PLCH2: variants seen among roughly 807,000 people sequenced by gnomAD.
The protein encoded by PLCH2 is 1-phosphatidylinositol 4,5-bisphosphate phosphodiesterase eta-2.
PLCH2 carries 98 observed loss-of-function variants against 134.7 expected under a neutral mutation model. That is an observed-to-expected ratio of 0.73 (90% CI 0.62 to 0.86). PLCH2 has a LOEUF of 0.86. PLCH2 is among the 40% of genes least tolerant of loss of function. The pLI is 0.00. For missense variants in PLCH2, 1,994 were observed against 1,986.6 expected (o/e 1.00, Z -0.07); for synonymous variants, 974 against 827.5 (o/e 1.18, Z -3.04).
intron 1 of PLCH2, among the ~76,000 whole-genome samples, chr1:2,426,536 C>T (rs893463178): frequency 2.0e-5 from 3 of 152,338 alleles, no homozygotes; most frequent in Non-Finnish European, 2.9e-5. Context: ...CCTACACACA[C>T]GAGCTCGGCC....
chr1:2,440,820 C>T (rs140809164), intron 2 of PLCH2, among the ~76,000 whole-genome samples: 2 of 152,368 alleles, frequency 1.3e-5, no homozygotes, highest in East Asian at 1.9e-4. Context: ...GGCCAGGTTT[C>T]TGTCTCATTG....
intron 1 of PLCH2, among the ~76,000 whole-genome samples, chr1:2,469,683 C>T (rs985490918): frequency 3.9e-5 from 6 of 152,312 alleles, no homozygotes; most frequent in East Asian, 3.9e-4. Flanking sequence ...AGTAATCCAA[C>T]GTGCCTGTTT....
intron 15 of PLCH2, 63 bp from the exon 16 acceptor site, chr1:2,497,439 T>TGGGGGGTGGGGGGG: frequency 1.0e-6 from 1 of 955,134 alleles, no homozygotes; most frequent in Non-Finnish European, 1.5e-6. Flanking sequence ...TGGTGGTGGG[T>TGGGGGGTGGGGGGG]GGGCGGGGCA....
intron 2 of PLCH2, among the ~76,000 whole-genome samples, chr1:2,437,229 C>G (rs1179855130): frequency 6.6e-6 from 1 of 152,180 alleles, no homozygotes; most frequent in African/African-American, 2.4e-5. Flanking sequence ...CGGGGTCACT[C>G]TGCCAATTTC....
rs1428050129 is a variant in PLCH2, at chr1:2,459,399, GT to G, written c.116-19075del. 2.5e-4 allele frequency among the ~76,000 whole-genome samples: 32 copies of G among 127,616 alleles called. 1 individual carries two copies. Among genetic ancestry groups the G allele is most frequent in the Admixed American group, 6.2e-4 (8 of 12,910 alleles). The allele number at this position is 127,616 out of a possible 152,430, so 83.7% of individuals were successfully genotyped here. ...TTGCCGGTGGTCCTCCTTCCTGGTG[GT>G]TCTCCTTCCTGGTGGTCCTCCTTGC... On this transcript the variant is annotated intron_variant, in intron 2 of 3. Transcript: ENST00000609981.
intron 2 of PLCH2, among the ~76,000 whole-genome samples, chr1:2,455,910 G>GTGTGTGCC (rs1162251864): frequency 1.6e-4 from 24 of 152,264 alleles, no homozygotes; most frequent in African/African-American, 5.5e-4. Flanking sequence ...CTGTGTGCGT[G>GTGTGTGCC]TGTGTGCCTG....
At chr1:2,427,404 G>T (rs567093586) in intron 1 of PLCH2, among the ~76,000 whole-genome samples, 1 of 152,324 alleles carries the variant, frequency 6.6e-6, no homozygotes, top group South Asian at 2.1e-4. Flanking sequence ...GTTTCTCCGG[G>T]ATAGGGTCCT....
chr1:2,498,618 C>G lies in PLCH2; in HGVS notation c.2320C>G (p.Arg774Gly). 1.3e-6 allele frequency: 2 copies of G among 1,581,824 alleles called. No homozygotes were observed. Among genetic ancestry groups the G allele is most frequent in the Non-Finnish European group, 1.7e-6 (2 of 1,166,432 alleles). The stretch of plus-strand genomic sequence containing the variant: ...CAGTGGCCAGCAGCTTCCCAAGCCG[C>G]GCGACTCCATGCTGGGGGACCGTGG... ...IISGQQLPKPRDSMLGDRGEI... is the reference protein window; with the variant it reads ...IISGQQLPKPGDSMLGDRGEI... The change falls in exon 17 of 22, where the codon CGC (arginine) becomes GGC (glycine). Residue 774 changes from arginine (R) to glycine (G), a missense_variant. Physicochemically the swap from Arg to Gly is moderately radical, Grantham distance 125. This residue lies in a region of PLCH2 where 1,094 missense variants were observed against 1,234.3 expected (regional missense o/e 0.89). Transcript: ENST00000378486. This position sits in a 1 kb window ranked among gnomAD's most constrained non-coding sequence, Gnocchi z 5.4.
intron 2 of PLCH2, among the ~76,000 whole-genome samples, chr1:2,458,199 C>A (rs899947215): frequency 6.6e-6 from 1 of 152,124 alleles, no homozygotes; most frequent in Non-Finnish European, 1.5e-5. Context: ...CTGCCTGGGG[C>A]GGGGGGACTC....
chr1:2,463,312 C>T (rs1450755303), upstream of PLCH2, among the ~76,000 whole-genome samples: 1 of 152,220 alleles, frequency 6.6e-6, no homozygotes, highest in Non-Finnish European at 1.5e-5. Flanking sequence ...CCAGGGGCCT[C>T]TGGGGGCCCG....
At chr1:2,431,420 C>A (rs1335649426) in intron 2 of PLCH2, among the ~76,000 whole-genome samples, 1 of 152,124 alleles carries the variant, frequency 6.6e-6, no homozygotes, top group Non-Finnish European at 1.5e-5. Context: ...CCAGATATGC[C>A]CAGACAGGTC....
chr1:2,498,861 G>T lies in PLCH2; in HGVS notation c.2434+33G>T, dbSNP rs1406609518. 6.5e-7 allele frequency: 1 copy of T among 1,549,540 alleles called. No homozygotes were observed. Among genetic ancestry groups the T allele is most frequent in the African/African-American group, 1.4e-5 (1 of 73,814 alleles). ...TGGGCCGTGGCTCCGTCACACCTGTGATGGAAGTCTGAGGGGGGAGGGTTG... is the reference window on the plus strand; with the variant it reads ...TGGGCCGTGGCTCCGTCACACCTGTTATGGAAGTCTGAGGGGGGAGGGTTG... On this transcript the variant is annotated intron_variant, in intron 18 of 21. Transcript: ENST00000378486. This position sits in a 1 kb window ranked among gnomAD's most constrained non-coding sequence, Gnocchi z 5.4.
the PLCH2 span, among the ~76,000 whole-genome samples, chr1:2,418,690 G>A: frequency 6.6e-6 from 1 of 152,366 alleles, no homozygotes; most frequent in South Asian, 2.1e-4. Context: ...GTGCCGTCCT[G>A]GACTCCTGAG....
At chr1:2,435,010 G>A (rs1336864950) in intron 2 of PLCH2, among the ~76,000 whole-genome samples, 4 of 152,182 alleles carry the variant, frequency 2.6e-5, no homozygotes, top group Non-Finnish European at 2.9e-5. Flanking sequence ...CGTGGCCTGC[G>A]AGCCTCAGCA....
chr1:2,437,005 C>T (rs544097328), intron 2 of PLCH2, among the ~76,000 whole-genome samples: 3 of 152,336 alleles, frequency 2.0e-5, no homozygotes, highest in African/African-American at 7.2e-5. Flanking sequence ...GCTGGGGCCC[C>T]TCCCCGGGGC....
rs1270286878 is a variant in PLCH2 at position 2,491,282 on chromosome 1, C to A, written c.1606C>A (p.Pro536Thr). The change falls in exon 11 of 22, where the codon CCC (proline) becomes ACC (threonine). Residue 536 changes from proline (P) to threonine (T), a missense_variant. By Grantham distance (38) the Pro-to-Thr change is conservative (BLOSUM62 -1). Around this residue, in one of 2 missense-constraint regions of PLCH2, gnomAD observed 1,094 missense variants for 1,234.3 expected, o/e 0.89. Coordinates refer to ENST00000378486, the MANE Select transcript of PLCH2 (RefSeq NM_014638.4). ...GTCGAAGATTCGGGACTGTGAGGAC[C>A]CCAACAACTTCTCCGTCTCCACACT... ...KESKIRDCED[P>T]NNFSVSTLSP... is the part of the protein sequence containing the mutation. 6.2e-7 allele frequency: 1 copy of A among 1,613,226 alleles called. No homozygotes were observed. Among genetic ancestry groups the A allele is most frequent in the Non-Finnish European group, 8.5e-7 (1 of 1,179,854 alleles).
rs531015804 is a variant in PLCH2 at position 2,498,130 on chromosome 1, C to T, written c.2225-393C>T. On this transcript the variant is annotated intron_variant, in intron 16 of 21. Transcript: ENST00000378486. The surrounding 1 kb of genome is among the most constrained non-coding windows in gnomAD (Gnocchi z 5.4). Reference sequence around the variant, plus strand: ...AGGCCTCCCACTAGACCAGGCTACTCCTGCTGTGGACCAGCTACTTCCACC... The same window carrying T: ...AGGCCTCCCACTAGACCAGGCTACTTCTGCTGTGGACCAGCTACTTCCACC... The T allele has an allele frequency of 7.5e-6, 2 of 267,112 alleles. No individual in the cohort carries two copies. The highest frequency in any genetic ancestry group is 1.7e-4 in the East Asian group (2 of 11,786). The allele number at this position is 267,112 out of a possible 1,614,324, so 16.5% of individuals were successfully genotyped here. A position where few individuals can be genotyped will look rare whatever the true frequency, so the allele number is the denominator to read the frequency against.
rs748655635 is a variant in PLCH2 at position 2,504,792 on chromosome 1, G to A, written c.3830G>A (p.Ser1277Asn). 5 of 1,611,882 alleles carry A rather than the reference G, an allele frequency of 3.1e-6. No individual in the cohort carries two copies. The African/African-American group carries it at 5.3e-5, about 17-fold the overall frequency. Reference protein sequence around the residue: ...PSFEGGSRRLSHSLGLPGGTR... With the variant: ...PSFEGGSRRLNHSLGLPGGTR... ...TTTGAGGGCGGCTCCCGCAGACTGAGCCACAGCCTGGGCCTCCCGGGAGGG... is the reference window on the plus strand; with the variant it reads ...TTTGAGGGCGGCTCCCGCAGACTGAACCACAGCCTGGGCCTCCCGGGAGGG... Residue 1277 changes from serine (S) to asparagine (N), a missense_variant, in exon 22 of 22, where the codon AGC (serine) becomes AAC (asparagine). Coordinates refer to ENST00000378486, the MANE Select transcript of PLCH2 (RefSeq NM_014638.4).
chr1:2,436,434 C>CTCCACCTTTCCTCCT (rs1553238874), intron 2 of PLCH2, among the ~76,000 whole-genome samples: 6 of 45,640 alleles, frequency 1.3e-4, no homozygotes, highest in South Asian at 7.5e-4. Context: ...TCCTTTCTCC[C>CTCCACCTTTCCTCCT]TCCTCCCTTC....
Sources: gnomAD v4.1 joint callset for allele counts (sites outside exome capture counted in the v4.1 genomes callset) on GRCh38, gnomAD v4.1.1 for gene constraint, gnomAD v4.1.1 regional missense constraint, Gnocchi (gnomAD v3.1) non-coding constraint, MANE v1.5 for transcripts, NCBI Gene and HGNC (gene_info 2026-07-23, HGNC 2026-07-21) for gene names.